The following LRRTM4 variants were observed in gnomAD, a reference collection of about 807,000 sequenced individuals.
LRRTM4 encodes leucine-rich repeat transmembrane neuronal protein 4.
Under a neutral mutation model 47.6 loss-of-function variants are expected in LRRTM4, and 25 were observed. The ratio of observed to expected loss-of-function variants is 0.53; its 90% CI spans 0.38 to 0.73. The LOEUF is 0.73. Among genes scored for constraint, LRRTM4 ranks in the 30% least tolerant of loss-of-function variants. The pLI is 0.00. For synonymous variants in LRRTM4, 311 were observed against 269.5 expected, an observed-to-expected ratio of 1.15 and a Z score of -1.51; for missense variants, 638 against 713.4, an observed-to-expected ratio of 0.89 and a Z score of 1.20.
chr2:77,493,905 C>G (rs1678261790), intron 3 of LRRTM4, among the ~76,000 whole-genome samples: 1 of 151,956 alleles, frequency 6.6e-6, no homozygotes, highest in South Asian at 2.1e-4. Flanking sequence ...CAGACATTGA[C>G]ACAAAATACT....
chr2:77,350,152 C>T (rs1671706095), intron 3 of LRRTM4, among the ~76,000 whole-genome samples: 2 of 149,014 alleles, frequency 1.3e-5, no homozygotes, highest in Admixed American at 1.3e-4. Context: ...GAAACCCCGT[C>T]TCTACTAAAA....
intron 3 of LRRTM4, among the ~76,000 whole-genome samples, chr2:77,191,237 C>T (rs1322196708): frequency 4.6e-5 from 7 of 151,592 alleles, no homozygotes; most frequent in East Asian, 1.9e-4. Context: ...AAAAAACACC[C>T]GAAGTGTTTC....
intron 3 of LRRTM4, among the ~76,000 whole-genome samples, chr2:77,148,704 T>G (rs1403088783): frequency 6.6e-6 from 1 of 152,176 alleles, no homozygotes; most frequent in Admixed American, 6.5e-5. Flanking sequence ...AGAAAGCAGT[T>G]TTCAGATGGC....
At chr2:76,790,740 T>C (rs1674928901) in intron 3 of LRRTM4, among the ~76,000 whole-genome samples, 1 of 151,198 alleles carries the variant, frequency 6.6e-6, no homozygotes, top group Non-Finnish European at 1.5e-5. Flanking sequence ...AGGCAAAATG[T>C]CAGTATCTTC....
chr2:77,155,080 GT>G (rs1672523594), intron 3 of LRRTM4, among the ~76,000 whole-genome samples: 1 of 152,002 alleles, frequency 6.6e-6, no homozygotes, highest in African/African-American at 2.4e-5. Flanking sequence ...CACATCAGAG[GT>G]CATTCTTAAC....
At chr2:77,085,975 AAACGCAGT>A (rs1680696405) in intron 3 of LRRTM4, among the ~76,000 whole-genome samples, 3 of 152,200 alleles carry the variant, frequency 2.0e-5, no homozygotes, top group Non-Finnish European at 4.4e-5. Flanking sequence ...CAATGGACTG[AAACGCAGT>A]ATCAGTCCAT....
At chr2:77,207,966 C>T (rs561276150) in intron 3 of LRRTM4, among the ~76,000 whole-genome samples, 401 of 140,872 alleles carry the variant, frequency 2.8e-3, no homozygotes, top group Non-Finnish European at 4.7e-3. Context: ...GCAACCTCTG[C>T]CTCCTGGGTT....
At chr2:77,249,077 C>T (rs1035985655) in intron 3 of LRRTM4, among the ~76,000 whole-genome samples, 31 of 152,030 alleles carry the variant, frequency 2.0e-4, no homozygotes, top group African/African-American at 5.8e-4. Flanking sequence ...GGGCCTGGCG[C>T]GGTGGCTCAT....
At chr2:77,352,178 G>A (rs1014724328) in intron 3 of LRRTM4, among the ~76,000 whole-genome samples, 1 of 152,180 alleles carries the variant, frequency 6.6e-6, no homozygotes, top group South Asian at 2.1e-4. Flanking sequence ...TTTTGATGCC[G>A]AGCCTAACCT....
chr2:76,835,490 G>T (rs1032176352), intron 3 of LRRTM4, among the ~76,000 whole-genome samples: 1 of 152,050 alleles, frequency 6.6e-6, no homozygotes, highest in Non-Finnish European at 1.5e-5. Context: ...GAAAGGAAGA[G>T]AACTTTCTGA....
At chr2:77,231,528 A>G in intron 3 of LRRTM4, among the ~76,000 whole-genome samples, 1 of 152,134 alleles carries the variant, frequency 6.6e-6, no homozygotes, top group Non-Finnish European at 1.5e-5. Flanking sequence ...TTATATTTTA[A>G]TTTATAAATG....
At position 76,977,011 on chromosome 2, in the gene LRRTM4, G is replaced by A. The variant is rs577437709; in HGVS notation, c.1552-228095C>T. Among the ~76,000 whole-genome samples the A allele has an allele frequency of 2.6e-4, 34 of 131,364 alleles. No individual in the cohort carries two copies. The East Asian group carries it at 7.1e-3, about 27-fold the overall frequency. 86.2% of individuals were successfully genotyped at this position (131,364 alleles called of 152,430 possible). A position where few individuals can be genotyped will look rare whatever the true frequency, so the allele number is the denominator to read the frequency against. ...AACAGAAAAAAAGCATTAATAGGCT[G>A]TGTGTGTTTGTGTGTGTTTACATGT... On this transcript the variant is annotated intron_variant, in intron 3 of 3. Coordinates refer to ENST00000409884, the MANE Select transcript of LRRTM4 (RefSeq NM_001134745.3).
intron 3 of LRRTM4, among the ~76,000 whole-genome samples, chr2:76,793,235 T>C (rs1371672077): frequency 6.6e-6 from 1 of 152,166 alleles, no homozygotes. Context: ...TTGTCAATAT[T>C]GTTCATTGTT....
chr2:77,069,535 T>C (rs983132686), intron 3 of LRRTM4, among the ~76,000 whole-genome samples: 2 of 152,154 alleles, frequency 1.3e-5, no homozygotes, highest in African/African-American at 4.8e-5. Flanking sequence ...TCTGGACTTT[T>C]AATTTTGTAG....
chr2:77,226,755 C>T (rs1462275431), intron 3 of LRRTM4, among the ~76,000 whole-genome samples: 1 of 151,818 alleles, frequency 6.6e-6, no homozygotes, highest in Non-Finnish European at 1.5e-5. Flanking sequence ...TTTTGACATA[C>T]ATTGAATCCT....
intron 3 of LRRTM4, among the ~76,000 whole-genome samples, chr2:77,020,422 C>T (rs1678224429): frequency 1.3e-5 from 2 of 152,050 alleles, no homozygotes; most frequent in Non-Finnish European, 2.9e-5. Context: ...CAACATAATA[C>T]TTTAGAAAGA....
chr2:77,506,548 A>G (rs181111508), intron 3 of LRRTM4, among the ~76,000 whole-genome samples: 1 of 152,006 alleles, frequency 6.6e-6, no homozygotes, highest in African/African-American at 2.4e-5. Flanking sequence ...TAAAAAAATA[A>G]CCTGTCAAAT....
At chr2:77,257,631 G>A (rs937838717) in intron 3 of LRRTM4, among the ~76,000 whole-genome samples, 1 of 151,390 alleles carries the variant, frequency 6.6e-6, no homozygotes, top group African/African-American at 2.4e-5. Context: ...ACAAGAGCAG[G>A]AAAAGATAAG....
chr2:76,904,201 G>C (rs373027884), intron 3 of LRRTM4, among the ~76,000 whole-genome samples: 1 of 152,188 alleles, frequency 6.6e-6, no homozygotes, highest in African/African-American at 2.4e-5. Flanking sequence ...TATTACAATT[G>C]TCCTGGAACA....
Sources: allele counts gnomAD v4.1 joint callset (sites outside exome capture counted in the v4.1 genomes callset), GRCh38; gene constraint gnomAD v4.1.1; transcripts MANE v1.5; gene names NCBI Gene and HGNC (gene_info 2026-07-23, HGNC 2026-07-21).